The following KAZN variants were observed in gnomAD, a reference collection of about 807,000 sequenced individuals.
KAZN encodes kazrin, periplakin interacting protein, also known as kazrin.
Under a neutral mutation model 87.4 loss-of-function variants are expected in KAZN, and 40 were observed. The ratio of observed to expected loss-of-function variants is 0.46; its 90% CI spans 0.36 to 0.60. The LOEUF (loss-of-function observed/expected upper bound fraction) is 0.60, where lower values mean the gene tolerates loss of function less well. Among genes scored for constraint, KAZN ranks in the 20% least tolerant of loss-of-function variants. The probability of loss-of-function intolerance (pLI) is 0.00; values close to 1 mark genes in which losing one functional copy is unlikely to be tolerated. For synonymous variants in KAZN, 466 were observed against 458.3 expected (o/e 1.02, Z -0.22); for missense variants, 898 against 1,073.9 (o/e 0.84, Z 2.29).
chr1:14,656,226 T>G (rs902367347), intron 1 of KAZN, among the ~76,000 whole-genome samples: 1 of 152,192 alleles, frequency 6.6e-6, no homozygotes, highest in Non-Finnish European at 1.5e-5. Flanking sequence ...TGCTGTCAGA[T>G]GCATTTGCCA....
rs181248166 is a variant in KAZN at position 14,335,680 on chromosome 1, A to G, written c.249+155088A>G. Among the ~76,000 whole-genome samples, 9 of 152,258 alleles carry G rather than the reference A, an allele frequency of 5.9e-5. No individual in the cohort carries two copies. In the East Asian group the frequency reaches 1.7e-3, roughly 29 times the overall value. ...AGCCAAATAAACCTCTTTTCTTTAT[A>G]AATTACCCAGCCTCAGGTATTTCTT... On this transcript the variant is annotated intron_variant, in intron 2 of 16. Coordinates refer to the KAZN transcript ENST00000636203.
intron 1 of KAZN, among the ~76,000 whole-genome samples, chr1:14,120,741 C>T (rs1310619718): frequency 6.6e-6 from 1 of 152,176 alleles, no homozygotes; most frequent in Non-Finnish European, 1.5e-5. Context: ...CTTCTGGTAC[C>T]CATGCATCCT....
chr1:14,601,751 A>G (rs1336400887), intron 1 of KAZN, among the ~76,000 whole-genome samples: 1 of 152,170 alleles, frequency 6.6e-6, no homozygotes, highest in Non-Finnish European at 1.5e-5. Flanking sequence ...GTGCAGTTCA[A>G]TGGGCCCAGA....
intron 2 of KAZN, among the ~76,000 whole-genome samples, chr1:14,354,828 T>C (rs191658737): frequency 1.3e-5 from 2 of 152,292 alleles, no homozygotes; most frequent in Non-Finnish European, 2.9e-5. Context: ...AGCTATCCTA[T>C]GACCCAGCAA....
At chr1:14,152,637 G>C (rs1333392885) in intron 1 of KAZN, among the ~76,000 whole-genome samples, 1 of 152,188 alleles carries the variant, frequency 6.6e-6, no homozygotes, top group African/African-American at 2.4e-5. Flanking sequence ...TGTGAAGATG[G>C]CTCCAACAAA....
At chr1:14,229,061 A>G (rs866604137) in intron 2 of KAZN, among the ~76,000 whole-genome samples, 2 of 152,264 alleles carry the variant, frequency 1.3e-5, no homozygotes, top group African/African-American at 4.8e-5. Context: ...GCTTCTGTGT[A>G]TCTACTAATG....
At chr1:14,416,931 T>C (rs1664816575) in intron 2 of KAZN, among the ~76,000 whole-genome samples, 1 of 151,756 alleles carries the variant, frequency 6.6e-6, no homozygotes, top group East Asian at 1.9e-4. Context: ...TCTGCCTATA[T>C]ATGTGTGTGA....
intron 2 of KAZN, among the ~76,000 whole-genome samples, chr1:14,587,924 A>G (rs1297323047): frequency 2.0e-5 from 3 of 152,088 alleles, no homozygotes; most frequent in African/African-American, 7.2e-5. Context: ...TCTTCATTAC[A>G]TTTTTCAACT....
At chr1:14,143,876 C>T (rs923894174) in intron 1 of KAZN, among the ~76,000 whole-genome samples, 13 of 152,218 alleles carry the variant, frequency 8.5e-5, no homozygotes, top group Non-Finnish European at 1.6e-4. Context: ...TGCCACCATG[C>T]CTGGCTATTG....
At chr1:14,082,359 C>T (rs769286022) in intron 1 of KAZN, among the ~76,000 whole-genome samples, 17 of 152,148 alleles carry the variant, frequency 1.1e-4, no homozygotes, top group Non-Finnish European at 8.8e-5. Context: ...TGCCTCCATA[C>T]TTTGACAAGA....
At chr1:14,239,313 C>T (rs1468786894) in intron 2 of KAZN, among the ~76,000 whole-genome samples, 1 of 152,098 alleles carries the variant, frequency 6.6e-6, no homozygotes. Flanking sequence ...GGCTGGTTTA[C>T]GTGGCATCAT....
At chr1:14,027,338 C>T (rs1298892510) in intron 1 of KAZN, among the ~76,000 whole-genome samples, 4 of 152,150 alleles carry the variant, frequency 2.6e-5, no homozygotes, top group South Asian at 2.1e-4. Context: ...CCATGGTAAC[C>T]GGGTGACATC....
chr1:13,917,702 C>A lies in KAZN; in HGVS notation c.91+23946C>A, dbSNP rs905511347. Among the ~76,000 whole-genome samples, 4 of 146,330 alleles carry A rather than the reference C, an allele frequency of 2.7e-5. No individual in the cohort carries two copies. The Admixed American group carries it at 2.8e-4, about 10-fold the overall frequency. On this transcript the variant is annotated intron_variant, in intron 1 of 16. Coordinates refer to the KAZN transcript ENST00000636203. The stretch of plus-strand genomic sequence containing the variant: ...GTCCCAGCTACGTGGGAGGCTGAGG[C>A]AGGAGGATCACTGGGGCCCAGAAGG...
chr1:14,743,083 G>A (rs1038739784), intron 1 of KAZN, among the ~76,000 whole-genome samples: 4 of 152,124 alleles, frequency 2.6e-5, no homozygotes, highest in Non-Finnish European at 4.4e-5. Flanking sequence ...GTGGTGCGTC[G>A]CAGGCATGAA....
chr1:14,288,439 C>A (rs1011815221), intron 2 of KAZN, among the ~76,000 whole-genome samples: 1 of 152,190 alleles, frequency 6.6e-6, no homozygotes, highest in Non-Finnish European at 1.5e-5. Flanking sequence ...TTATCCATTT[C>A]TTCTAGACAT....
chr1:13,905,429 A>G (rs1639398860), intron 1 of KAZN, among the ~76,000 whole-genome samples: 1 of 152,202 alleles, frequency 6.6e-6, no homozygotes, highest in South Asian at 2.1e-4. Context: ...ATATGAGGGT[A>G]AGCTTGAAGT....
chr1:15,056,620 G>C lies in KAZN; in HGVS notation c.916+340G>C, dbSNP rs1270836976. Among the ~76,000 whole-genome samples, 1 of 152,160 alleles carries C rather than the reference G, an allele frequency of 6.6e-6. No individual in the cohort carries two copies. The highest frequency in any genetic ancestry group is 1.9e-4 in the East Asian group (1 of 5,190). ...AAGACCCTCACAGCTCAAGTCTTAA[G>C]AAAGAAAAACTATCTCTTTCCCCCT... On this transcript the variant is annotated intron_variant, in intron 5 of 14. Coordinates refer to ENST00000376030, the MANE Select transcript of KAZN (RefSeq NM_201628.3). This position sits in a 1 kb window ranked among gnomAD's most constrained non-coding sequence, Gnocchi z 5.4.
chr1:14,507,612 C>T (rs1670655279), intron 2 of KAZN, among the ~76,000 whole-genome samples: 1 of 152,040 alleles, frequency 6.6e-6, no homozygotes, highest in Non-Finnish European at 1.5e-5. Flanking sequence ...AAATAGACAC[C>T]ACCTAGCAGA....
intron 1 of KAZN, chr1:14,929,655 G>C: frequency 1.9e-6 from 1 of 532,556 alleles, no homozygotes; most frequent in Non-Finnish European, 2.4e-6. Flanking sequence ...TGGGGATCCC[G>C]TGTTTGCTGT....
Sources: gnomAD v4.1 joint callset for allele counts (sites outside exome capture counted in the v4.1 genomes callset) on GRCh38, gnomAD v4.1.1 for gene constraint, Gnocchi (gnomAD v3.1) non-coding constraint, MANE v1.5 for transcripts, NCBI Gene and HGNC (gene_info 2026-07-23, HGNC 2026-07-21) for gene names.